GABRA3: variants seen among roughly 807,000 people sequenced by gnomAD.
GABRA3 encodes the protein gamma-aminobutyric acid receptor subunit alpha-3.
Under a neutral mutation model 30.1 loss-of-function variants are expected in GABRA3, and 10 were observed. That is an observed-to-expected ratio of 0.33 (90% CI 0.20 to 0.56). The LOEUF (loss-of-function observed/expected upper bound fraction) is 0.56, where lower values mean the gene tolerates loss of function less well. GABRA3 is among the 20% of genes least tolerant of loss of function. The pLI is 0.89. For synonymous variants in GABRA3, 151 were observed against 146.8 expected (o/e 1.03, Z -0.21); for missense variants, 233 against 392.0 (o/e 0.59, Z 3.42).
At chrX:152,237,022 G>C (rs1456240992) in intron 5 of GABRA3, among the ~76,000 whole-genome samples, 1 of 108,036 alleles carries the variant, frequency 9.3e-6, no homozygotes, top group South Asian at 4.1e-4. Context: ...TGTCAATTTT[G>C]GCTTTTGTTG....
At chrX:152,267,892 C>T (rs1211642104) in intron 4 of GABRA3, among the ~76,000 whole-genome samples, 1 of 110,010 alleles carries the variant, frequency 9.1e-6, no homozygotes, top group Non-Finnish European at 1.9e-5. Flanking sequence ...TTCTCTCTTT[C>T]TCTTAGTGTA....
chrX:152,444,827 C>T (rs1478096304), intron 1 of GABRA3, among the ~76,000 whole-genome samples: 8 of 88,371 alleles, frequency 9.1e-5, no homozygotes, highest in Non-Finnish European at 1.1e-4. Flanking sequence ...TTTGGGAGGC[C>T]GAGGCGGGCG....
chrX:152,390,231 T>C (rs952592615), intron 1 of GABRA3, among the ~76,000 whole-genome samples: 5 of 111,893 alleles, frequency 4.5e-5, no homozygotes, highest in Admixed American at 9.5e-5. Context: ...ATCAATCAGA[T>C]AACTATAAAG....
chrX:152,272,548 G>C (rs1938964309), intron 4 of GABRA3, among the ~76,000 whole-genome samples: 2 of 111,833 alleles, frequency 1.8e-5, no homozygotes, highest in Non-Finnish European at 3.8e-5. Flanking sequence ...CTCTGGATTT[G>C]GACTTTTGAG....
chrX:152,352,392 C>G (rs1256495715), intron 2 of GABRA3, among the ~76,000 whole-genome samples: 1 of 111,809 alleles, frequency 8.9e-6, no homozygotes, highest in Non-Finnish European at 1.9e-5. Context: ...TCCCCCCAAA[C>G]TCCTGAAAAT....
intron 5 of GABRA3, among the ~76,000 whole-genome samples, chrX:152,227,394 AG>A (rs1439850926): frequency 1.6e-4 from 5 of 31,264 alleles, no homozygotes; most frequent in Non-Finnish European, 2.1e-4. Flanking sequence ...GGGTGGGGGG[AG>A]GGGGGAGGGA....
chrX:152,367,222 A>G (rs1032835024), intron 1 of GABRA3, among the ~76,000 whole-genome samples: 6 of 111,348 alleles, frequency 5.4e-5, no homozygotes, highest in Non-Finnish European at 1.1e-4. Context: ...ATATAAGTAC[A>G]GTACATAAAA....
chrX:152,432,266 T>C (rs1049537613), intron 1 of GABRA3, among the ~76,000 whole-genome samples: 1 of 111,655 alleles, frequency 9.0e-6, no homozygotes, highest in Non-Finnish European at 1.9e-5. Flanking sequence ...TATTTAGAAA[T>C]ACGGTATAAA....
chrX:152,343,160 A>G (rs1242729457), intron 3 of GABRA3, among the ~76,000 whole-genome samples: 2 of 110,763 alleles, frequency 1.8e-5, no homozygotes, highest in African/African-American at 6.6e-5. Flanking sequence ...GGCCTCCCCA[A>G]TTTCTCAACT....
At chrX:152,297,265 A>T (rs1286842113) in intron 3 of GABRA3, among the ~76,000 whole-genome samples, 2 of 111,729 alleles carry the variant, frequency 1.8e-5, no homozygotes, top group East Asian at 5.6e-4. Flanking sequence ...GTCCCAGGCC[A>T]CATATAGTTG....
chrX:152,290,835 G>A (rs1214506172), intron 3 of GABRA3, among the ~76,000 whole-genome samples: 1 of 111,440 alleles, frequency 9.0e-6, no homozygotes, highest in Admixed American at 9.6e-5. Flanking sequence ...GATATGTGGT[G>A]TTATTTCTAA....
At chrX:152,353,892 T>C (rs1256031404) in intron 2 of GABRA3, among the ~76,000 whole-genome samples, 1 of 111,612 alleles carries the variant, frequency 9.0e-6, no homozygotes, top group Non-Finnish European at 1.9e-5. Flanking sequence ...GTATCATTGA[T>C]TGTGGCCTCA....
chrX:152,213,392 T>A (rs1008843720), intron 6 of GABRA3, among the ~76,000 whole-genome samples: 2 of 110,797 alleles, frequency 1.8e-5, no homozygotes, highest in Non-Finnish European at 3.8e-5. Context: ...AAATAAATAA[T>A]ATAGTAACAG....
chrX:152,438,778 TAA>T (rs1261416860), intron 1 of GABRA3, among the ~76,000 whole-genome samples: 1 of 111,606 alleles, frequency 9.0e-6, no homozygotes, highest in Non-Finnish European at 1.9e-5. Flanking sequence ...GGCAAAACAT[TAA>T]AGAGAGTGAA....
chrX:152,250,977 A>C (rs1268483178), intron 5 of GABRA3: 2 of 221,285 alleles, frequency 9.0e-6, no homozygotes, highest in Non-Finnish European at 1.8e-5. Flanking sequence ...TTATTATCAG[A>C]CTAGAGAAAG....
chrX:152,302,463 T>G (rs1368275078), intron 3 of GABRA3, among the ~76,000 whole-genome samples: 1 of 111,859 alleles, frequency 8.9e-6, no homozygotes, highest in Non-Finnish European at 1.9e-5. Flanking sequence ...TTTTTGGATT[T>G]TTGAAAAATT....
chrX:152,179,370 G>A (rs1399126725), intron 9 of GABRA3, among the ~76,000 whole-genome samples: 1 of 110,695 alleles, frequency 9.0e-6, no homozygotes, highest in East Asian at 2.8e-4. Context: ...ACAGTCACTT[G>A]TTGTACGATA....
At chrX:152,355,712 A>G (rs1413068711) in intron 2 of GABRA3, among the ~76,000 whole-genome samples, 1 of 112,015 alleles carries the variant, frequency 8.9e-6, no homozygotes, top group Non-Finnish European at 1.9e-5. Flanking sequence ...CTGCTTAGGC[A>G]CTTACGTGTT....
intron 4 of GABRA3, among the ~76,000 whole-genome samples, chrX:152,277,686 T>C (rs1271871466): frequency 8.9e-6 from 1 of 112,022 alleles, no homozygotes; most frequent in Non-Finnish European, 1.9e-5. Flanking sequence ...TGCCTAGAAA[T>C]TGACAAATGA....
Sources: allele counts gnomAD v4.1 joint callset (sites outside exome capture counted in the v4.1 genomes callset), GRCh38; gene constraint gnomAD v4.1.1; transcripts MANE v1.5; gene names NCBI Gene and HGNC (gene_info 2026-07-23, HGNC 2026-07-21).